Variants in GRXCR1 observed in about 807,000 individuals in gnomAD.
GRXCR1 encodes the protein glutaredoxin domain-containing cysteine-rich protein 1.
GRXCR1 carries 27 observed loss-of-function variants against 27.3 expected under a neutral mutation model. The ratio of observed to expected loss-of-function variants is 0.99; its 90% CI spans 0.73 to 1.37. GRXCR1 has a LOEUF of 1.37. Among genes scored for constraint, GRXCR1 ranks in the 40% most tolerant of loss-of-function variants. The pLI, the probability that GRXCR1 is intolerant of heterozygous loss-of-function variation, is 0.00. For missense variants in GRXCR1, 379 were observed against 354.4 expected, an observed-to-expected ratio of 1.07 and a Z score of -0.56; for synonymous variants, 122 against 131.1, an observed-to-expected ratio of 0.93 and a Z score of 0.47.
chr4:42,963,710 G>A (rs577937979), intron 2 of GRXCR1, among the ~76,000 whole-genome samples: 7 of 152,054 alleles, frequency 4.6e-5, no homozygotes, highest in African/African-American at 1.4e-4. Context: ...CTGTTTCATT[G>A]CTCTTTGAAT....
intron 2 of GRXCR1, among the ~76,000 whole-genome samples, chr4:42,980,180 A>C (rs544230370): frequency 6.6e-6 from 1 of 151,550 alleles, no homozygotes; most frequent in Non-Finnish European, 1.5e-5. Context: ...TCATTCTACT[A>C]TCTTTGAGTT....
At chr4:42,991,350 A>T (rs1439611533) in intron 2 of GRXCR1, among the ~76,000 whole-genome samples, 2 of 151,568 alleles carry the variant, frequency 1.3e-5, no homozygotes, top group Non-Finnish European at 2.9e-5. Flanking sequence ...CTTAAACAAA[A>T]TTTTTTTCTT....
At chr4:43,004,994 A>G (rs891271855) in intron 2 of GRXCR1, among the ~76,000 whole-genome samples, 16 of 152,136 alleles carry the variant, frequency 1.1e-4, no homozygotes, top group African/African-American at 2.9e-4. Flanking sequence ...CCCCACCCAA[A>G]TCTCATATCA....
Position 42,903,218 on chromosome 4 carries a change from C to G in GRXCR1, c.384+9568C>G, listed in dbSNP as rs1746502372. Among the ~76,000 whole-genome samples, 2 of 146,752 alleles carry G rather than the reference C, an allele frequency of 1.4e-5. 1 individual carries two copies. Among genetic ancestry groups the G allele is most frequent in the Non-Finnish European group, 3.0e-5 (2 of 67,290 alleles). On this transcript the variant is annotated intron_variant, in intron 1 of 3. Transcript: ENST00000399770. ...TAGAAAATCTACTACAAAGATAACA[C>G]AAATCAACCAATGATACTTACTAAG...
chr4:42,909,486 T>A (rs1382918557), intron 1 of GRXCR1, among the ~76,000 whole-genome samples: 4 of 152,078 alleles, frequency 2.6e-5, no homozygotes, highest in Non-Finnish European at 4.4e-5. Context: ...AAACAAACTC[T>A]TCATATTTAA....
At chr4:42,930,889 C>T (rs1393064262) in intron 1 of GRXCR1, among the ~76,000 whole-genome samples, 1 of 151,922 alleles carries the variant, frequency 6.6e-6, no homozygotes, top group Non-Finnish European at 1.5e-5. Flanking sequence ...AGAAATTTAT[C>T]AAGCTAGTAA....
chr4:42,977,652 G>A (rs1411261441), intron 2 of GRXCR1, among the ~76,000 whole-genome samples: 1 of 151,636 alleles, frequency 6.6e-6, no homozygotes, highest in African/African-American at 2.4e-5. Flanking sequence ...AGTTTTTAAT[G>A]GAATTAAAAA....
At chr4:42,990,314 C>T (rs1202348343) in intron 2 of GRXCR1, among the ~76,000 whole-genome samples, 2 of 148,336 alleles carry the variant, frequency 1.3e-5, no homozygotes, top group African/African-American at 4.9e-5. Flanking sequence ...GCCTCAGCCT[C>T]CCAAGTAGCT....
intron 1 of GRXCR1, among the ~76,000 whole-genome samples, chr4:42,959,472 G>A (rs1308666877): frequency 6.6e-6 from 1 of 151,722 alleles, no homozygotes; most frequent in South Asian, 2.1e-4. Flanking sequence ...GATGTTCTAT[G>A]TGCCACATGA....
chr4:42,990,173 C>CTTTTTTTTTTTTTTTTTTTTTT lies in GRXCR1; in HGVS notation c.627+27054_627+27075dup, dbSNP rs745784596. 2.8e-4 allele frequency among the ~76,000 whole-genome samples: 13 copies of CTTTTTTTTTTTTTTTTTTTTTT among 46,230 alleles called. 6 individuals are homozygous for CTTTTTTTTTTTTTTTTTTTTTT. The highest frequency in any genetic ancestry group is 4.2e-4 in the Non-Finnish European group (11 of 26,052). The allele number at this position is 46,230 out of a possible 152,430, so 30.3% of individuals were successfully genotyped here. ...AACTTCTTGAATTGAATTATTAGTT[C>CTTTTTTTTTTTTTTTTTTTTTT]TTTTTTTTTTTTTTTTTTTTTTTTT... On this transcript the variant is annotated intron_variant, in intron 2 of 3. Transcript: ENST00000399770.
chr4:42,980,084 T>C (rs1748614070), intron 2 of GRXCR1, among the ~76,000 whole-genome samples: 1 of 152,036 alleles, frequency 6.6e-6, no homozygotes, highest in Non-Finnish European at 1.5e-5. Flanking sequence ...TTGTTGATTT[T>C]ATTTTTTCAA....
rs188040688 is a variant in GRXCR1, at chr4:42,955,453, G to A, written c.385-7439G>A. Among the ~76,000 whole-genome samples, 35 of 152,162 alleles carry A rather than the reference G, an allele frequency of 2.3e-4. 1 individual carries two copies. Among genetic ancestry groups the A allele is most frequent in the African/African-American group, 6.3e-4 (26 of 41,520 alleles). The stretch of plus-strand genomic sequence containing the variant: ...CCTCAGGAGTGGGTAGCAAAACCAC[G>A]TGTGGTTCAGTGTTTCGTCTTGGCT... On this transcript the variant is annotated intron_variant, in intron 1 of 3. Coordinates refer to ENST00000399770, the MANE Select transcript of GRXCR1 (RefSeq NM_001080476.3).
chr4:42,920,363 C>A (rs1746981122), intron 1 of GRXCR1, among the ~76,000 whole-genome samples: 1 of 151,984 alleles, frequency 6.6e-6, no homozygotes, highest in Non-Finnish European at 1.5e-5. Flanking sequence ...TATAATGGCC[C>A]AATGAGTGAA....
intron 2 of GRXCR1, among the ~76,000 whole-genome samples, chr4:42,997,058 T>C (rs901943434): frequency 5.3e-5 from 8 of 152,138 alleles, no homozygotes; most frequent in Non-Finnish European, 1.2e-4. Context: ...TTTGACAATT[T>C]ATTGAGAAAA....
intron 2 of GRXCR1, 42 bp downstream of exon 2, chr4:42,963,176 C>A (rs1577922686): frequency 1.9e-5 from 31 of 1,602,044 alleles, no homozygotes; most frequent in Non-Finnish European, 2.7e-5. Context: ...TAGAACCCAA[C>A]CAGGGCTGAT....
At chr4:42,894,113 A>G (rs974340403) in intron 1 of GRXCR1, among the ~76,000 whole-genome samples, 3 of 152,124 alleles carry the variant, frequency 2.0e-5, no homozygotes, top group South Asian at 2.1e-4. Flanking sequence ...TTGTGCAGCA[A>G]TAAAGACTAA....
chr4:42,998,437 A>T (rs1191207458), intron 2 of GRXCR1, among the ~76,000 whole-genome samples: 3 of 152,220 alleles, frequency 2.0e-5, no homozygotes, highest in Non-Finnish European at 4.4e-5. Context: ...CTACCTCCAC[A>T]CATCTGGAAA....
chr4:42,894,606 A>AT (rs1240959849), intron 1 of GRXCR1, among the ~76,000 whole-genome samples: 1 of 152,132 alleles, frequency 6.6e-6, no homozygotes, highest in Non-Finnish European at 1.5e-5. Flanking sequence ...GTACTTAAAT[A>AT]TTTTTTATTT....
chr4:42,953,218 A>G (rs556659750), intron 1 of GRXCR1, among the ~76,000 whole-genome samples: 7 of 152,144 alleles, frequency 4.6e-5, no homozygotes, highest in Non-Finnish European at 8.8e-5. Flanking sequence ...GAACTTTGCC[A>G]TTCCTCTATC....
Sources: allele counts gnomAD v4.1 joint callset (sites outside exome capture counted in the v4.1 genomes callset), GRCh38; gene constraint gnomAD v4.1.1; transcripts MANE v1.5; gene names NCBI Gene and HGNC (gene_info 2026-07-23, HGNC 2026-07-21).